Variants in CFAP299 observed in about 807,000 individuals in gnomAD.
CFAP299 encodes cilia and flagella associated protein 299, also known as cilia- and flagella-associated protein 299.
A neutral mutation model predicts 27.0 loss-of-function variants in CFAP299; 21 were observed. The observed-to-expected ratio is 0.78, with a 90% confidence interval of 0.55 to 1.12. The LOEUF (loss-of-function observed/expected upper bound fraction) is 1.12, where lower values mean the gene tolerates loss of function less well. Among genes scored for constraint, CFAP299 ranks in the 50% most tolerant of loss-of-function variants. The probability of loss-of-function intolerance (pLI) is 0.00; values close to 1 mark genes in which losing one functional copy is unlikely to be tolerated. For synonymous variants in CFAP299, 104 were observed against 98.1 expected (o/e 1.06, Z -0.36); for missense variants, 310 against 276.6 (o/e 1.12, Z -0.86).
At chr4:80,723,151 G>A (rs1722936291) in intron 3 of CFAP299, among the ~76,000 whole-genome samples, 2 of 152,100 alleles carry the variant, frequency 1.3e-5, no homozygotes, top group South Asian at 2.1e-4. Context: ...CTGCTAATGG[G>A]AATGAAAATG....
At chr4:80,662,169 G>A (rs1740883080) in intron 3 of CFAP299, among the ~76,000 whole-genome samples, 2 of 152,102 alleles carry the variant, frequency 1.3e-5, no homozygotes, top group Non-Finnish European at 2.9e-5. Flanking sequence ...TGTGAAGCAT[G>A]TGATCTCTGT....
intron 5 of CFAP299, among the ~76,000 whole-genome samples, chr4:80,956,488 G>C (rs1738075270): frequency 2.6e-5 from 4 of 152,050 alleles, no homozygotes; most frequent in Admixed American, 2.0e-4. Flanking sequence ...GTGGAGTCCA[G>C]TGGCACAATC....
chr4:80,467,441 T>G (rs1400946557), intron 2 of CFAP299, among the ~76,000 whole-genome samples: 1 of 152,186 alleles, frequency 6.6e-6, no homozygotes, highest in East Asian at 1.9e-4. Context: ...TACAGATGAA[T>G]AGTCCCTTCC....
chr4:80,440,376 G>A (rs1728302245), intron 2 of CFAP299, among the ~76,000 whole-genome samples: 1 of 152,142 alleles, frequency 6.6e-6, no homozygotes, highest in Non-Finnish European at 1.5e-5. Context: ...AATCTTTGCT[G>A]CTCTGTAGCC....
At chr4:80,564,391 A>G (rs1043646653) in intron 2 of CFAP299, among the ~76,000 whole-genome samples, 2 of 152,022 alleles carry the variant, frequency 1.3e-5, no homozygotes, top group Non-Finnish European at 2.9e-5. Flanking sequence ...AAGTCAATCA[A>G]TGTGATTCAG....
At chr4:80,670,505 G>A (rs145216811) in intron 3 of CFAP299, among the ~76,000 whole-genome samples, 2,263 of 152,274 alleles carry the variant, frequency 0.015, 30 homozygotes, top group South Asian at 0.061. Flanking sequence ...TATATACCCC[G>A]TAATGGGATG....
chr4:80,510,894 C>T (rs1450863114), intron 2 of CFAP299, among the ~76,000 whole-genome samples: 1 of 152,154 alleles, frequency 6.6e-6, no homozygotes, highest in Non-Finnish European at 1.5e-5. Context: ...TTGGCATTGA[C>T]TTAGAAAAAT....
intron 3 of CFAP299, among the ~76,000 whole-genome samples, chr4:80,773,398 C>T (rs938301570): frequency 6.6e-6 from 1 of 151,958 alleles, no homozygotes; most frequent in African/African-American, 2.4e-5. Flanking sequence ...GCAGACTAGT[C>T]CTATTAGCCT....
chr4:80,746,604 T>G (rs905939849), intron 3 of CFAP299, among the ~76,000 whole-genome samples: 4 of 151,960 alleles, frequency 2.6e-5, no homozygotes, highest in African/African-American at 9.7e-5. Flanking sequence ...TTGACGTAAC[T>G]TTTTTCAGGA....
At chr4:80,913,080 T>C (rs1432748641) in intron 4 of CFAP299, among the ~76,000 whole-genome samples, 1 of 152,082 alleles carries the variant, frequency 6.6e-6, no homozygotes, top group Non-Finnish European at 1.5e-5. Context: ...CTCCAAAACA[T>C]GGGGCCCCCT....
chr4:80,572,433 T>C (rs1185221853), intron 2 of CFAP299, among the ~76,000 whole-genome samples: 1 of 151,768 alleles, frequency 6.6e-6, no homozygotes, highest in East Asian at 1.9e-4. Context: ...AGTTTGTCTT[T>C]CTGTGCCTGG....
Position 80,506,740 on chromosome 4 carries a change from C to G in CFAP299, c.243-76353C>G, listed in dbSNP as rs577418253. ...CAGATAGCTAATTCTTTATCCCACT[C>G]TCATAAACTTCAACTCTGAATGATC... On this transcript the variant is annotated intron_variant, in intron 2 of 5. Transcript: ENST00000358105. Among the ~76,000 whole-genome samples the G allele has an allele frequency of 6.4e-4, 98 of 152,212 alleles. 1 individual carries two copies. Among genetic ancestry groups the G allele is most frequent in the African/African-American group, 2.2e-3 (92 of 41,554 alleles).
chr4:80,456,094 G>A (rs1259230970), intron 2 of CFAP299, among the ~76,000 whole-genome samples: 1 of 152,070 alleles, frequency 6.6e-6, no homozygotes, highest in East Asian at 1.9e-4. Context: ...GATGACATTT[G>A]AGCAAAAAGC....
At chr4:80,460,762 T>C (rs1048382539) in intron 2 of CFAP299, among the ~76,000 whole-genome samples, 1 of 152,156 alleles carries the variant, frequency 6.6e-6, no homozygotes, top group Non-Finnish European at 1.5e-5. Flanking sequence ...TAAGGAGAAA[T>C]TCACACGATT....
At chr4:80,324,102 C>G in the CFAP299 span, among the ~76,000 whole-genome samples, 1 of 152,156 alleles carries the variant, frequency 6.6e-6, no homozygotes. Flanking sequence ...GCCCCACATG[C>G]ATTAGGCATT....
At chr4:80,884,336 A>C (rs775691469) in intron 4 of CFAP299, among the ~76,000 whole-genome samples, 1 of 152,226 alleles carries the variant, frequency 6.6e-6, no homozygotes, top group Admixed American at 6.5e-5. Flanking sequence ...CAATATTATG[A>C]AACTAGATAT....
At chr4:80,772,765 CATGTGTTCT>C (rs1726294276) in intron 3 of CFAP299, among the ~76,000 whole-genome samples, 1 of 152,042 alleles carries the variant, frequency 6.6e-6, no homozygotes, top group Admixed American at 6.6e-5. Context: ...TCCCTGTGTC[CATGTGTTCT>C]CATTGTGCAA....
At position 80,760,904 on chromosome 4, in the gene CFAP299, G is replaced by A. The variant is rs144506552; in HGVS notation, c.334-109089G>A. On this transcript the variant is annotated intron_variant, in intron 3 of 5. Coordinates refer to ENST00000358105, the MANE Select transcript of CFAP299 (RefSeq NM_152770.3). Reference sequence around the variant, plus strand: ...TGGGGAGGGAAACCAGGGAAGGAAAGTCACATGTGAAATGGCACAGAGTGA... The same window carrying A: ...TGGGGAGGGAAACCAGGGAAGGAAAATCACATGTGAAATGGCACAGAGTGA... Among the ~76,000 whole-genome samples, 377 of 152,280 alleles carry A rather than the reference G, an allele frequency of 2.5e-3. 8 individuals carry two copies. The highest frequency in any genetic ancestry group is 0.021 in the Admixed American group (323 of 15,290).
intron 3 of CFAP299, among the ~76,000 whole-genome samples, chr4:80,742,192 G>C (rs776026944): frequency 6.6e-6 from 1 of 152,044 alleles, no homozygotes; most frequent in Non-Finnish European, 1.5e-5. Context: ...TTCTAGTGAT[G>C]GTGCTTTTCT....
Sources: gnomAD v4.1 joint callset for allele counts (sites outside exome capture counted in the v4.1 genomes callset) on GRCh38, gnomAD v4.1.1 for gene constraint, MANE v1.5 for transcripts, NCBI Gene and HGNC (gene_info 2026-07-23, HGNC 2026-07-21) for gene names.